RPH3A: variants seen among roughly 807,000 people sequenced by gnomAD.
The protein encoded by RPH3A is rabphilin-3A.
RPH3A carries 48 observed loss-of-function variants against 102.2 expected under a neutral mutation model. The ratio of observed to expected loss-of-function variants is 0.47; its 90% CI spans 0.37 to 0.60. The LOEUF is 0.60. RPH3A is among the 20% of genes least tolerant of loss of function. RPH3A has a pLI of 0.00. For synonymous variants in RPH3A, 310 were observed against 324.3 expected, an observed-to-expected ratio of 0.96 and a Z score of 0.47; for missense variants, 781 against 910.1, an observed-to-expected ratio of 0.86 and a Z score of 1.83.
chr12:112,697,023 A>C (rs2040357742), intron 1 of RPH3A, among the ~76,000 whole-genome samples: 2 of 152,140 alleles, frequency 1.3e-5, no homozygotes, highest in African/African-American at 4.8e-5. Context: ...AAAAATCTAC[A>C]AGTAATATCA....
At chr12:112,615,057 G>T (rs1481312320) in intron 1 of RPH3A, among the ~76,000 whole-genome samples, 1 of 152,044 alleles carries the variant, frequency 6.6e-6, no homozygotes, top group East Asian at 1.9e-4. Flanking sequence ...CTCTATGTGG[G>T]GTTCTTATAC....
chr12:112,768,175 C>G (rs998442846), intron 1 of RPH3A, among the ~76,000 whole-genome samples: 1 of 152,196 alleles, frequency 6.6e-6, no homozygotes, highest in Non-Finnish European at 1.5e-5. Flanking sequence ...CCCTGACTCA[C>G]GGTAACCGCA....
intron 1 of RPH3A, among the ~76,000 whole-genome samples, chr12:112,680,152 C>T (rs1473593885): frequency 6.6e-6 from 1 of 152,116 alleles, no homozygotes; most frequent in African/African-American, 2.4e-5. Context: ...ATATGCTGAG[C>T]CTGGAGCGGT....
chr12:112,614,519 A>G (rs940687926), intron 1 of RPH3A, among the ~76,000 whole-genome samples: 1 of 148,334 alleles, frequency 6.7e-6, no homozygotes, highest in Non-Finnish European at 1.5e-5. Context: ...CCCTGTCTCT[A>G]TTAAAAAAAA....
chr12:112,869,853 C>T (rs746281742), intron 9 of RPH3A, 40 bp from the exon 10 acceptor site: 40 of 1,614,028 alleles, frequency 2.5e-5, no homozygotes, highest in South Asian at 2.2e-4. Flanking sequence ...CTAATTCCCT[C>T]GATGCCCTTT....
chr12:112,591,917 G>A, intron 1 of RPH3A, among the ~76,000 whole-genome samples: 1 of 152,168 alleles, frequency 6.6e-6, no homozygotes. Flanking sequence ...CCCGGGGTTG[G>A]TTCTAGGACC....
rs1363778255 is a variant in RPH3A, at chr12:112,875,111, C to T, written c.824C>T (p.Ala275Val). ...TTGAGACGGGCCAACTCAGTCCAGGCCTCCAGACCTGCCCCAGGCTCGGTG... is the reference window on the plus strand; with the variant it reads ...TTGAGACGGGCCAACTCAGTCCAGGTCTCCAGACCTGCCCCAGGCTCGGTG... ...AGLRRANSVQ[A>V]SRPAPGSVQS... Residue 275 changes from alanine (A) to valine (V), a missense_variant, in exon 11 of 22, where the codon GCC becomes GTC. Ala to Val is a moderately conservative substitution (Grantham distance 64). This residue lies in a region of RPH3A where 730 missense variants were observed against 810.0 expected (regional missense o/e 0.90). Transcript: ENST00000389385. 2 of 1,609,970 alleles carry T rather than the reference C, an allele frequency of 1.2e-6. No homozygotes were observed. Among genetic ancestry groups the T allele is most frequent in the South Asian group, 1.1e-5 (1 of 90,146 alleles).
intron 1 of RPH3A, among the ~76,000 whole-genome samples, chr12:112,724,610 G>C (rs997831517): frequency 3.9e-5 from 6 of 152,206 alleles, no homozygotes; most frequent in African/African-American, 1.4e-4. Flanking sequence ...CCAGGTTATT[G>C]TTGTTCATCA....
At chr12:112,600,194 A>T (rs2039548283) in intron 1 of RPH3A, among the ~76,000 whole-genome samples, 1 of 152,160 alleles carries the variant, frequency 6.6e-6, no homozygotes, top group Non-Finnish European at 1.5e-5. Context: ...AATTAGAGTC[A>T]GATTTTGGAA....
intron 1 of RPH3A, among the ~76,000 whole-genome samples, chr12:112,677,609 T>C (rs1014488521): frequency 9.9e-5 from 15 of 151,782 alleles, no homozygotes; most frequent in African/African-American, 3.6e-4. Flanking sequence ...GAGCCTGTAA[T>C]GTTCTACCTG....
chr12:112,702,371 A>G (rs1311023319), intron 1 of RPH3A, among the ~76,000 whole-genome samples: 1 of 152,222 alleles, frequency 6.6e-6, no homozygotes, highest in African/African-American at 2.4e-5. Context: ...GCCCAGTATT[A>G]GGAGCTGGGA....
intron 19 of RPH3A, 198 bp downstream of exon 19, chr12:112,891,201 T>C (rs2043089422): frequency 1.5e-5 from 9 of 610,006 alleles, no homozygotes; most frequent in Non-Finnish European, 2.3e-5. Flanking sequence ...CAAACTGGTG[T>C]GTCACTTGCC....
intron 1 of RPH3A, among the ~76,000 whole-genome samples, chr12:112,632,514 A>G (rs760063653): frequency 6.6e-6 from 1 of 152,208 alleles, no homozygotes; most frequent in Non-Finnish European, 1.5e-5. Context: ...CTCCAAGCCC[A>G]TCTTAGTGAA....
At chr12:112,862,405 T>C (rs1364819238) in intron 5 of RPH3A, among the ~76,000 whole-genome samples, 4 of 152,130 alleles carry the variant, frequency 2.6e-5, no homozygotes, top group African/African-American at 9.7e-5. Context: ...GCCCTATCTC[T>C]AAAAATAATA....
intron 15 of RPH3A, 90 bp from the exon 16 acceptor site, chr12:112,883,203 C>T (rs530706466): frequency 1.1e-6 from 1 of 947,478 alleles, no homozygotes; most frequent in African/African-American, 1.6e-5. Flanking sequence ...GGAAAGCCAC[C>T]CACCCACCCC....
rs1592915875 is a variant in RPH3A at position 112,629,537 on chromosome 12, C to T, written c.-140+54218C>T. 2.8e-5 allele frequency among the ~76,000 whole-genome samples: 4 copies of T among 144,006 alleles called. No individual in the cohort carries two copies. In the South Asian group the frequency reaches 8.8e-4, roughly 32 times the overall value. The allele number at this position is 144,006 out of a possible 152,430, so 94.5% of individuals were successfully genotyped here. A position where few individuals can be genotyped will look rare whatever the true frequency, so the allele number is the denominator to read the frequency against. ...AGGCTGGAGTGCGGTGGCACAATCA[C>T]AGGATTATAACTCACTGCAGCCTCG... On this transcript the variant is annotated intron_variant, in intron 1 of 21. Coordinates refer to the RPH3A transcript ENST00000543106.
chr12:112,669,678 C>T (rs1238475136), intron 1 of RPH3A, among the ~76,000 whole-genome samples: 2 of 152,322 alleles, frequency 1.3e-5, no homozygotes, highest in East Asian at 3.9e-4. Context: ...AGCATACACA[C>T]ATGTGATCAA....
intron 14 of RPH3A, among the ~76,000 whole-genome samples, chr12:112,879,582 G>A (rs1249980090): frequency 1.3e-5 from 2 of 152,196 alleles, no homozygotes; most frequent in Non-Finnish European, 2.9e-5. Context: ...GTGTCTGCCT[G>A]AGGCCCCTTC....
At chr12:112,865,613 G>T in intron 6 of RPH3A, 70 bp downstream of exon 6, 1 of 1,530,028 alleles carries the variant, frequency 6.5e-7, no homozygotes. Flanking sequence ...GGCTCCAGCT[G>T]TAGGGGTCAC....
Sources: gnomAD v4.1 joint callset for allele counts (sites outside exome capture counted in the v4.1 genomes callset) on GRCh38, gnomAD v4.1.1 for gene constraint, gnomAD v4.1.1 regional missense constraint, MANE v1.5 for transcripts, NCBI Gene and HGNC (gene_info 2026-07-23, HGNC 2026-07-21) for gene names.